The following FAM169A variants were observed in gnomAD, a reference collection of about 807,000 sequenced individuals.
FAM169A encodes the protein soluble lamin-associated protein of 75 kDa.
Under a neutral mutation model 75.7 loss-of-function variants are expected in FAM169A, and 24 were observed. That is an observed-to-expected ratio of 0.32 (90% confidence interval 0.23 to 0.45). FAM169A has a LOEUF of 0.45. Ranked by LOEUF, FAM169A falls within the 20% of genes least tolerant of loss-of-function variation. FAM169A has a pLI of 1.00. For missense variants in FAM169A, 673 were observed against 784.0 expected, an observed-to-expected ratio of 0.86 and a Z score of 1.69; for synonymous variants, 271 against 271.0, an observed-to-expected ratio of 1.00 and a Z score of 0.00.
Position 74,788,435 on chromosome 5 carries a change from G to A in FAM169A, c.1261-5301C>T, listed in dbSNP as rs569027553. Among the ~76,000 whole-genome samples the A allele has an allele frequency of 3.3e-5, 5 of 152,302 alleles. No homozygotes were observed. In the East Asian group the frequency reaches 9.7e-4, roughly 30 times the overall value. ...AAAATAGTCAATCAGGCCGGGGGCGGTGGCTCATGCCTGTAATCCCAGCAC... is the reference window on the plus strand; with the variant it reads ...AAAATAGTCAATCAGGCCGGGGGCGATGGCTCATGCCTGTAATCCCAGCAC... On this transcript the variant is annotated intron_variant, in intron 11 of 12. Transcript: ENST00000687041.
intron 1 of FAM169A, among the ~76,000 whole-genome samples, chr5:74,844,890 AAGTT>A (rs1271353361): frequency 6.6e-6 from 1 of 152,224 alleles, no homozygotes; most frequent in African/African-American, 2.4e-5. Flanking sequence ...AGGAAGTATA[AAGTT>A]AGTATAGAAT....
upstream of FAM169A, chr5:74,866,590 C>A (rs1013290717): frequency 5.3e-6 from 3 of 567,704 alleles, no homozygotes; most frequent in Non-Finnish European, 6.7e-6. Context: ...TCGCCACCCG[C>A]GCCCCCTCTC....
intron 1 of FAM169A, among the ~76,000 whole-genome samples, chr5:74,860,804 TC>T (rs1749991380): frequency 7.8e-6 from 1 of 127,618 alleles, no homozygotes; most frequent in Non-Finnish European, 1.6e-5. Context: ...AATGCAGGGA[TC>T]CCTCCAAATG....
rs1010562892 is a variant in FAM169A, at chr5:74,779,735, T to C, written c.*1725A>G. On this transcript the variant is annotated 3_prime_UTR_variant, in exon 13 of 13. Coordinates refer to ENST00000687041, the MANE Select transcript of FAM169A (RefSeq NM_001376049.1). The stretch of plus-strand genomic sequence containing the variant: ...TACCTTTGACTAATTAAAGAAAATA[T>C]AGGGTAATACAATTGTTCAAAATCT... 2.0e-5 allele frequency: 3 copies of C among 152,112 alleles called. No individual in the cohort carries two copies. Among genetic ancestry groups the C allele is most frequent in the African/African-American group, 7.2e-5 (3 of 41,434 alleles). The allele number at this position is 152,112 out of a possible 1,614,324, so 9.4% of individuals were successfully genotyped here. A position where few individuals can be genotyped will look rare whatever the true frequency, so the allele number is the denominator to read the frequency against.
chr5:74,785,060 G>A lies in FAM169A; in HGVS notation c.1261-1926C>T, dbSNP rs532947391. The stretch of plus-strand genomic sequence containing the variant: ...AAAAAGGCCAGGCACCGTGGCTCAC[G>A]CCTATAATCCCAGCACTTTGGAAGC... On this transcript the variant is annotated intron_variant, in intron 11 of 12. Coordinates refer to ENST00000687041, the MANE Select transcript of FAM169A (RefSeq NM_001376049.1). Among the ~76,000 whole-genome samples, 10 of 152,058 alleles carry A rather than the reference G, an allele frequency of 6.6e-5. No homozygotes were observed. In the East Asian group the frequency reaches 9.7e-4, roughly 15 times the overall value.
intron 5 of FAM169A, among the ~76,000 whole-genome samples, chr5:74,833,492 G>A (rs1310433304): frequency 6.6e-6 from 1 of 151,986 alleles, no homozygotes; most frequent in Non-Finnish European, 1.5e-5. Flanking sequence ...TTATTCTTGG[G>A]AAAAAATGAC....
chr5:74,831,953 G>A (rs777188809), intron 5 of FAM169A, among the ~76,000 whole-genome samples: 3 of 151,978 alleles, frequency 2.0e-5, no homozygotes, highest in Non-Finnish European at 2.9e-5. Flanking sequence ...TTTGATGAAA[G>A]AATCAATTAC....
intron 10 of FAM169A, 72 bp downstream of exon 10, chr5:74,800,808 T>C: frequency 3.4e-6 from 2 of 584,550 alleles, no homozygotes; most frequent in Non-Finnish European, 4.8e-6. Context: ...TATTAAATAT[T>C]GATAATATAA....
At chr5:74,813,770 C>A in intron 6 of FAM169A, 70 bp downstream of exon 6, 1 of 1,203,468 alleles carries the variant, frequency 8.3e-7, no homozygotes, top group Non-Finnish European at 1.1e-6. Context: ...ACACATTTAC[C>A]GTATTTTGAA....
chr5:74,780,028 T>A lies in FAM169A; in HGVS notation c.*1432A>T, dbSNP rs777570421. On this transcript the variant is annotated 3_prime_UTR_variant, in exon 13 of 13. Coordinates refer to ENST00000687041, the MANE Select transcript of FAM169A (RefSeq NM_001376049.1). ...AGTGCAAATTTGAGTACACATAATA[T>A]TTCCAAAGAGTAGAACTGTTTTTAG... The A allele has an allele frequency of 2.6e-5, 4 of 152,120 alleles. No homozygotes were observed. The highest frequency in any genetic ancestry group is 5.9e-5 in the Non-Finnish European group (4 of 68,036). The allele number at this position is 152,120 out of a possible 1,614,324, so 9.4% of individuals were successfully genotyped here.
At chr5:74,816,786 C>CAAA (rs1747493173) in intron 5 of FAM169A, among the ~76,000 whole-genome samples, 1 of 152,240 alleles carries the variant, frequency 6.6e-6, no homozygotes, top group African/African-American at 2.4e-5. Flanking sequence ...TTGCACATGT[C>CAAA]AGATTGTTTA....
Position 74,866,365 on chromosome 5 carries a change from G to A in FAM169A, c.-204C>T. ...TCGCGGGTCGGCCGCGGCCCACCGT[G>A]CCCTCCGACGACGTGACGCACTAGC... On this transcript the variant is annotated 5_prime_UTR_variant, in exon 1 of 13. Transcript: ENST00000687041. 3 of 984,482 alleles carry A rather than the reference G, an allele frequency of 3.0e-6. No homozygotes were observed. The highest frequency in any genetic ancestry group is 3.6e-6 in the Non-Finnish European group (3 of 829,604). 61.0% of individuals were successfully genotyped at this position (984,482 alleles called of 1,614,324 possible).
intron 1 of FAM169A, among the ~76,000 whole-genome samples, chr5:74,858,841 T>A (rs2112741526): frequency 6.6e-6 from 1 of 152,268 alleles, no homozygotes; most frequent in Non-Finnish European, 1.5e-5. Flanking sequence ...ATGCCATATC[T>A]AAAATTAGAA....
chr5:74,804,433 T>C (rs1746745111), intron 8 of FAM169A, 60 bp downstream of exon 8: 2 of 747,686 alleles, frequency 2.7e-6, no homozygotes, highest in Non-Finnish European at 4.2e-6. Flanking sequence ...AACCTGTATC[T>C]ATTTTTTAAA....
chr5:74,863,589 C>T (rs1398369254), intron 1 of FAM169A, among the ~76,000 whole-genome samples: 2 of 152,192 alleles, frequency 1.3e-5, no homozygotes, highest in African/African-American at 4.8e-5. Context: ...GTAAATCTTA[C>T]TGAATTTTTA....
intron 1 of FAM169A, among the ~76,000 whole-genome samples, chr5:74,846,121 T>A (rs1021704344): frequency 6.6e-6 from 1 of 152,166 alleles, no homozygotes. Flanking sequence ...TATCAAAGAC[T>A]CATACATACA....
At chr5:74,857,940 G>C (rs1178227796) in intron 1 of FAM169A, among the ~76,000 whole-genome samples, 1 of 152,118 alleles carries the variant, frequency 6.6e-6, no homozygotes, top group Non-Finnish European at 1.5e-5. Context: ...AAAAAAATTA[G>C]TATTCTCCAA....
At position 74,805,193 on chromosome 5, in the gene FAM169A, G is replaced by A; in HGVS notation, c.762C>T (p.Val254=). The change falls in exon 7 of 13, where the codon GTC becomes GTT. Residue 254 remains valine, a synonymous_variant. Coordinates refer to ENST00000687041, the MANE Select transcript of FAM169A (RefSeq NM_001376049.1). Reference sequence around the variant, plus strand: ...GTGCTTCTCTTTGTAATGCTCTGGTGACTGGTATTCGCTGGTACCAGTGTC... The same window carrying A: ...GTGCTTCTCTTTGTAATGCTCTGGTAACTGGTATTCGCTGGTACCAGTGTC... ...GVGHWYQRIP[V]TRALQREALK... The A allele has an allele frequency of 6.2e-7, 1 of 1,612,826 alleles. No homozygotes were observed. Among genetic ancestry groups the A allele is most frequent in the African/African-American group, 1.3e-5 (1 of 74,982 alleles).
In FAM169A at chr5:74,779,918, CAA is replaced by C. The variant is rs1465958476; in HGVS notation, c.*1540_*1541del. 1 of 152,156 alleles carries C rather than the reference CAA, an allele frequency of 6.6e-6. No homozygotes were observed. The highest frequency in any genetic ancestry group is 1.9e-4 in the East Asian group (1 of 5,198). The allele number at this position is 152,156 out of a possible 1,614,324, so 9.4% of individuals were successfully genotyped here. On this transcript the variant is annotated 3_prime_UTR_variant, in exon 13 of 13. Transcript: ENST00000687041. Reference sequence around the variant, plus strand: ...TCCTTAGCTACCTCAAATAATGACACAAAGTCTTAGTTTCTTTTGCATAAGGA... The same window carrying C: ...TCCTTAGCTACCTCAAATAATGACACAGTCTTAGTTTCTTTTGCATAAGGA...
Sources: gnomAD v4.1 joint callset for allele counts (sites outside exome capture counted in the v4.1 genomes callset) on GRCh38, gnomAD v4.1.1 for gene constraint, MANE v1.5 for transcripts, NCBI Gene and HGNC (gene_info 2026-07-23, HGNC 2026-07-21) for gene names.